The following SHISA9 variants were observed in gnomAD, a reference collection of about 807,000 sequenced individuals.
SHISA9 encodes protein shisa-9.
In SHISA9, 13 loss-of-function variants were observed where a neutral mutation model predicts 38.0. That is an observed-to-expected ratio of 0.34 (90% confidence interval 0.22 to 0.54). The LOEUF is 0.54. Ranked by LOEUF, SHISA9 falls within the 20% of genes least tolerant of loss-of-function variation. The pLI is 0.91. For synonymous variants in SHISA9, 275 were observed against 242.0 expected, an observed-to-expected ratio of 1.14 and a Z score of -1.27; for missense variants, 538 against 575.8, an observed-to-expected ratio of 0.93 and a Z score of 0.67.
intron 2 of SHISA9, among the ~76,000 whole-genome samples, chr16:12,919,392 C>G (rs370649456): frequency 1.7e-4 from 26 of 152,336 alleles, no homozygotes; most frequent in African/African-American, 6.3e-4. Context: ...TTGTTCTTCA[C>G]TGAACATCCA....
chr16:13,429,267 G>T, the SHISA9 span, among the ~76,000 whole-genome samples: 1 of 152,142 alleles, frequency 6.6e-6, no homozygotes, highest in African/African-American at 2.4e-5. Flanking sequence ...CCACAAACTG[G>T]GTGGCTTAAA....
In SHISA9 at chr16:13,140,138, TCCCTCCCCTCCCCTC is replaced by T. The variant is rs1201875970; in HGVS notation, c.692-63231_692-63217del. 1.1e-3 allele frequency among the ~76,000 whole-genome samples: 11 copies of T among 10,348 alleles called. 1 individual carries two copies. The highest frequency in any genetic ancestry group is 0.05 in the Middle Eastern group (1 of 20). 6.8% of individuals were successfully genotyped at this position (10,348 alleles called of 152,430 possible). ...TCCCTTCCCTTCCCTTCCCTTCCCTTCCCTCCCCTCCCCTCCCCTCCCCTCCCCTCCCCTCCCCTT... is the reference window on the plus strand; with the variant it reads ...TCCCTTCCCTTCCCTTCCCTTCCCTTCCCTCCCCTCCCCTCCCCTCCCCTT... On this transcript the variant is annotated intron_variant, in intron 2 of 4. Coordinates refer to ENST00000558583, the MANE Select transcript of SHISA9 (RefSeq NM_001145204.3).
At chr16:13,347,962 G>T in the SHISA9 span, among the ~76,000 whole-genome samples, 1 of 152,168 alleles carries the variant, frequency 6.6e-6, no homozygotes, top group Non-Finnish European at 1.5e-5. Context: ...CTTAAAATAG[G>T]GAGATTATCC....
At chr16:13,383,902 G>A in the SHISA9 span, among the ~76,000 whole-genome samples, 1 of 152,058 alleles carries the variant, frequency 6.6e-6, no homozygotes, top group East Asian at 1.9e-4. Flanking sequence ...TTATCCACCT[G>A]CCTCGGCCTC....
At chr16:13,200,877 C>T (rs1467653306) in intron 2 of SHISA9, among the ~76,000 whole-genome samples, 1 of 135,602 alleles carries the variant, frequency 7.4e-6, no homozygotes, top group African/African-American at 2.9e-5. Context: ...GCTAGGGTAT[C>T]TCTGCCTGTT....
the SHISA9 span, among the ~76,000 whole-genome samples, chr16:13,435,908 G>A: frequency 0.012 from 1,892 of 152,286 alleles, 18 homozygotes; most frequent in Middle Eastern, 0.024. Context: ...TAAGTGAGCT[G>A]TATGGCTCTT....
chr16:13,105,537 C>T (rs934898015), intron 2 of SHISA9, among the ~76,000 whole-genome samples: 8 of 152,200 alleles, frequency 5.3e-5, no homozygotes, highest in South Asian at 2.1e-4. Flanking sequence ...TGGGGCTTCC[C>T]GCAGCCTCCC....
the SHISA9 span, among the ~76,000 whole-genome samples, chr16:13,397,481 G>T: frequency 6.6e-6 from 1 of 152,172 alleles, no homozygotes; most frequent in Non-Finnish European, 1.5e-5. Flanking sequence ...CCCCGCTGGG[G>T]TGCAGTACAG....
At chr16:13,246,768 T>G in the SHISA9 span, among the ~76,000 whole-genome samples, 1 of 152,212 alleles carries the variant, frequency 6.6e-6, no homozygotes. Flanking sequence ...AGCACTGAGA[T>G]TTCAGGGTTT....
the SHISA9 span, among the ~76,000 whole-genome samples, chr16:13,346,658 C>G: frequency 6.6e-6 from 1 of 152,058 alleles, no homozygotes; most frequent in Non-Finnish European, 1.5e-5. Flanking sequence ...ATAATTTTTT[C>G]TCTAAGAACT....
intron 2 of SHISA9, among the ~76,000 whole-genome samples, chr16:12,989,311 G>A (rs1206307420): frequency 6.6e-6 from 1 of 151,962 alleles, no homozygotes; most frequent in East Asian, 1.9e-4. Flanking sequence ...CTGAGTAGCT[G>A]GGATTACAGG....
chr16:13,374,746 C>T, the SHISA9 span, among the ~76,000 whole-genome samples: 4 of 152,182 alleles, frequency 2.6e-5, no homozygotes, highest in Admixed American at 6.5e-5. Flanking sequence ...GCCACACTGT[C>T]TTCCACAATG....
chr16:13,044,979 T>C (rs994148270), intron 2 of SHISA9, among the ~76,000 whole-genome samples: 1 of 152,222 alleles, frequency 6.6e-6, no homozygotes, highest in African/African-American at 2.4e-5. Flanking sequence ...GTTAACCACA[T>C]GGATTCTGGA....
At chr16:13,415,825 AAAGTC>A in the SHISA9 span, among the ~76,000 whole-genome samples, 2 of 152,198 alleles carry the variant, frequency 1.3e-5, no homozygotes, top group African/African-American at 4.8e-5. Context: ...TAAAAAAAAA[AAAGTC>A]ACTTTGATTT....
At chr16:13,469,371 AAGAAAGAAAG>A in the SHISA9 span, among the ~76,000 whole-genome samples, 446 of 87,916 alleles carry the variant, frequency 5.1e-3, 3 homozygotes, top group East Asian at 0.017. Flanking sequence ...AAGAAAAAGA[AAGAAAGAAAG>A]AAAGAAAGAA....
chr16:13,452,547 CA>C, the SHISA9 span, among the ~76,000 whole-genome samples: 2 of 152,154 alleles, frequency 1.3e-5, no homozygotes, highest in East Asian at 3.9e-4. Context: ...TATTTGACAA[CA>C]AAAGTCTCCC....
At chr16:13,469,421 GAAAAA>G in the SHISA9 span, among the ~76,000 whole-genome samples, 2 of 120,444 alleles carry the variant, frequency 1.7e-5, no homozygotes, top group African/African-American at 6.6e-5. Flanking sequence ...AAGAAAGAAA[GAAAAA>G]GAAAGAAAGA....
intron 2 of SHISA9, among the ~76,000 whole-genome samples, chr16:13,089,912 C>G (rs2073755799): frequency 6.6e-6 from 1 of 152,170 alleles, no homozygotes; most frequent in African/African-American, 2.4e-5. Flanking sequence ...AATTTTAGGT[C>G]TTTCCTGCTT....
intron 1 of SHISA9, chr16:12,911,259 A>G: frequency 1.0e-6 from 1 of 985,386 alleles, no homozygotes; most frequent in South Asian, 4.7e-5. Flanking sequence ...GATGCACCGT[A>G]ACATCTGAGA....
Sources: gnomAD v4.1 joint callset for allele counts (sites outside exome capture counted in the v4.1 genomes callset) on GRCh38, gnomAD v4.1.1 for gene constraint, MANE v1.5 for transcripts, NCBI Gene and HGNC (gene_info 2026-07-23, HGNC 2026-07-21) for gene names.